DOK6: variants seen among roughly 807,000 people sequenced by gnomAD.
The protein encoded by DOK6 is downstream of tyrosine kinase 6.
In DOK6, 22 loss-of-function variants were observed where a neutral mutation model predicts 44.0. That is an observed-to-expected ratio of 0.50 (90% CI 0.36 to 0.71). The LOEUF is 0.71. Ranked by LOEUF, DOK6 falls within the 30% of genes least tolerant of loss-of-function variation. The pLI is 0.00. For missense variants in DOK6, 340 were observed against 416.4 expected, an observed-to-expected ratio of 0.82 and a Z score of 1.60; for synonymous variants, 166 against 145.5, an observed-to-expected ratio of 1.14 and a Z score of -1.01.
rs188397204 is a variant in DOK6 at position 69,689,545 on chromosome 18, T to C, written c.410-8859T>C. Among the ~76,000 whole-genome samples the C allele has an allele frequency of 2.2e-4, 34 of 152,342 alleles. 1 individual carries two copies. Among genetic ancestry groups the C allele is most frequent in the African/African-American group, 7.0e-4 (29 of 41,600 alleles). Reference sequence around the variant, plus strand: ...GACACTTATAATGACTCGCTCTATATGTATTTTGAATATTTATTGGTAAGG... The same window carrying C: ...GACACTTATAATGACTCGCTCTATACGTATTTTGAATATTTATTGGTAAGG... On this transcript the variant is annotated intron_variant, in intron 4 of 7. Coordinates refer to ENST00000382713, the MANE Select transcript of DOK6 (RefSeq NM_152721.6).
At chr18:69,477,263 GT>G (rs1980293319) in intron 1 of DOK6, among the ~76,000 whole-genome samples, 1 of 152,156 alleles carries the variant, frequency 6.6e-6, no homozygotes, top group East Asian at 1.9e-4. Flanking sequence ...TTCGAGATCC[GT>G]TCTAAGCCCA....
In DOK6 at chr18:69,465,449, C is replaced by G. The variant is rs566081084; in HGVS notation, c.66+64139C>G. Reference sequence around the variant, plus strand: ...TTAGGTATATCTCCTAAAGCTATCCCTCCCCGCTCCCCCCACCCCACAACA... The same window carrying G: ...TTAGGTATATCTCCTAAAGCTATCCGTCCCCGCTCCCCCCACCCCACAACA... On this transcript the variant is annotated intron_variant, in intron 1 of 7. Coordinates refer to ENST00000382713, the MANE Select transcript of DOK6 (RefSeq NM_152721.6). Among the ~76,000 whole-genome samples, 9 of 151,686 alleles carry G rather than the reference C, an allele frequency of 5.9e-5. No individual in the cohort carries two copies. The East Asian group carries it at 1.7e-3, about 29-fold the overall frequency.
intron 3 of DOK6, among the ~76,000 whole-genome samples, chr18:69,639,188 C>T (rs75360329): frequency 6.6e-6 from 1 of 152,280 alleles, no homozygotes; most frequent in Non-Finnish European, 1.5e-5. Context: ...GAGTGTCCAT[C>T]GCTCCAGTGA....
intron 3 of DOK6, among the ~76,000 whole-genome samples, chr18:69,658,320 A>G (rs1156768372): frequency 6.6e-6 from 1 of 152,096 alleles, no homozygotes; most frequent in African/African-American, 2.4e-5. Flanking sequence ...TGCACTTTAA[A>G]TTCTTTGGTC....
intron 5 of DOK6, among the ~76,000 whole-genome samples, chr18:69,725,456 A>T (rs187034231): frequency 2.1e-4 from 32 of 152,308 alleles, no homozygotes; most frequent in Non-Finnish European, 3.4e-4. Flanking sequence ...GAAGTCACCT[A>T]AAAAGTGTGT....
At chr18:69,491,581 T>C (rs1980735079) in intron 1 of DOK6, among the ~76,000 whole-genome samples, 1 of 152,336 alleles carries the variant, frequency 6.6e-6, no homozygotes, top group East Asian at 1.9e-4. Context: ...GTCCTATGTA[T>C]GATATGAGTC....
At chr18:69,749,440 CATT>C (rs922796415) in intron 6 of DOK6, among the ~76,000 whole-genome samples, 7 of 151,980 alleles carry the variant, frequency 4.6e-5, no homozygotes, top group African/African-American at 1.7e-4. Context: ...TATGAGGAAA[CATT>C]ATACAGAATC....
intron 7 of DOK6, among the ~76,000 whole-genome samples, chr18:69,782,275 G>C (rs1463879178): frequency 6.8e-6 from 1 of 148,086 alleles, no homozygotes; most frequent in Non-Finnish European, 1.5e-5. Flanking sequence ...GCAGCGGCGA[G>C]ATCTCAGCTC....
intron 5 of DOK6, among the ~76,000 whole-genome samples, chr18:69,723,966 A>AC (rs1978294676): frequency 6.6e-6 from 1 of 152,180 alleles, no homozygotes; most frequent in Admixed American, 6.5e-5. Context: ...ATCCTAGTGC[A>AC]CCGCAACCTT....
intron 7 of DOK6, among the ~76,000 whole-genome samples, chr18:69,837,053 A>G (rs1360439730): frequency 6.6e-6 from 1 of 152,204 alleles, no homozygotes; most frequent in Non-Finnish European, 1.5e-5. Flanking sequence ...TTCTAATTAG[A>G]CTAGAAATTC....
At chr18:69,598,833 G>T (rs2144621802) in intron 2 of DOK6, among the ~76,000 whole-genome samples, 1 of 152,126 alleles carries the variant, frequency 6.6e-6, no homozygotes, top group Middle Eastern at 3.4e-3. Context: ...ATGGGCTTTG[G>T]TGGGAGAAGT....
chr18:69,670,052 C>T (rs1985758635), intron 3 of DOK6, among the ~76,000 whole-genome samples: 1 of 152,098 alleles, frequency 6.6e-6, no homozygotes, highest in Non-Finnish European at 1.5e-5. Context: ...GAAAATCAAG[C>T]TGTTATCAAT....
chr18:69,580,334 A>G (rs138045002), intron 2 of DOK6, among the ~76,000 whole-genome samples: 19 of 152,306 alleles, frequency 1.2e-4, no homozygotes, highest in Non-Finnish European at 2.6e-4. Context: ...GCTCTCAGCA[A>G]CTAGAGGCTG....
At chr18:69,435,549 C>A (rs1568256775) in intron 1 of DOK6, among the ~76,000 whole-genome samples, 1 of 152,086 alleles carries the variant, frequency 6.6e-6, no homozygotes, top group Non-Finnish European at 1.5e-5. Context: ...GGAAAGGATT[C>A]CTTAAACCTT....
intron 3 of DOK6, among the ~76,000 whole-genome samples, chr18:69,672,307 T>C (rs1985816367): frequency 6.6e-6 from 1 of 152,182 alleles, no homozygotes; most frequent in Non-Finnish European, 1.5e-5. Flanking sequence ...GATCCATGCT[T>C]TTGATCTTTG....
rs1978657711 is a variant in DOK6 at position 69,427,020 on chromosome 18, AGTG to A, written c.66+25711_66+25713del. 1.3e-4 allele frequency among the ~76,000 whole-genome samples: 3 copies of A among 22,578 alleles called. No homozygotes were observed. In the South Asian group the frequency reaches 8.0e-3, roughly 60 times the overall value. 14.8% of individuals were successfully genotyped at this position (22,578 alleles called of 152,430 possible). A position where few individuals can be genotyped will look rare whatever the true frequency, so the allele number is the denominator to read the frequency against. Reference sequence around the variant, plus strand: ...CATCCTCTACCCTCCAAAAGGTGCTAGTGTGTGTTGTTTCCCTCTATGTGTCCA... The same window carrying A: ...CATCCTCTACCCTCCAAAAGGTGCTATGTGTTGTTTCCCTCTATGTGTCCA... On this transcript the variant is annotated intron_variant, in intron 1 of 7. Transcript: ENST00000382713.
At chr18:69,424,747 CTAAT>C (rs1978590790) in intron 1 of DOK6, among the ~76,000 whole-genome samples, 1 of 152,112 alleles carries the variant, frequency 6.6e-6, no homozygotes, top group Admixed American at 6.6e-5. Flanking sequence ...TAATCAATGT[CTAAT>C]TAATCCTTAT....
intron 3 of DOK6, among the ~76,000 whole-genome samples, chr18:69,635,004 G>A (rs1331716742): frequency 6.6e-6 from 1 of 152,146 alleles, no homozygotes; most frequent in East Asian, 1.9e-4. Flanking sequence ...GCCGCAGACA[G>A]CCAGGCACAC....
At chr18:69,721,128 G>A (rs1289094046) in intron 5 of DOK6, among the ~76,000 whole-genome samples, 1 of 152,160 alleles carries the variant, frequency 6.6e-6, no homozygotes, top group African/African-American at 2.4e-5. Context: ...ATATACAAAT[G>A]TTAGATGAAA....
Sources: allele counts gnomAD v4.1 joint callset (sites outside exome capture counted in the v4.1 genomes callset), GRCh38; gene constraint gnomAD v4.1.1; transcripts MANE v1.5; gene names NCBI Gene and HGNC (gene_info 2026-07-23, HGNC 2026-07-21).